The following ABCB4 variants were observed in gnomAD, a reference collection of about 807,000 sequenced individuals.
The protein encoded by ABCB4 is ATP binding cassette subfamily B member 4, also known as phosphatidylcholine translocator ABCB4.
Under a neutral mutation model 145.7 loss-of-function variants are expected in ABCB4, and 76 were observed. That is an observed-to-expected ratio of 0.52 (90% confidence interval 0.43 to 0.63). The LOEUF (loss-of-function observed/expected upper bound fraction) is 0.63, where lower values mean the gene tolerates loss of function less well. Ranked by LOEUF, ABCB4 falls within the 30% of genes least tolerant of loss-of-function variation. The probability of loss-of-function intolerance (pLI) is 0.00; values close to 1 mark genes in which losing one functional copy is unlikely to be tolerated. For missense variants in ABCB4, 1,234 were observed against 1,553.1 expected (o/e 0.79, Z 3.45); for synonymous variants, 517 against 566.8 (o/e 0.91, Z 1.25).
At chr7:87,375,432 G>A in the ABCB4 span, 1 of 491,848 alleles carries the variant, frequency 2.0e-6, no homozygotes, top group Middle Eastern at 5.3e-4. Flanking sequence ...TTAAATTATT[G>A]TCAAATATGC....
At chr7:87,375,705 G>A in the ABCB4 span, 2 of 1,613,458 alleles carry the variant, frequency 1.2e-6, no homozygotes, top group Admixed American at 3.3e-5. Flanking sequence ...AACTAGTGAG[G>A]AGCGAACTCG....
the ABCB4 span, among the ~76,000 whole-genome samples, chr7:87,392,300 T>C: frequency 6.6e-6 from 1 of 152,194 alleles, no homozygotes; most frequent in African/African-American, 2.4e-5. Context: ...TCGGTTGCTT[T>C]TATCTTTATA....
chr7:87,464,982 A>G (rs984897053), intron 3 of ABCB4, among the ~76,000 whole-genome samples: 4 of 152,118 alleles, frequency 2.6e-5, no homozygotes, highest in African/African-American at 9.7e-5. Flanking sequence ...TGCATTTCCT[A>G]CTGAGGCCCC....
chr7:87,411,898 A>G lies in ABCB4; in HGVS notation c.2919T>C (p.Val973=). ...ATATTTCTAAAGCTACTTACAGAAT[A>G]ACATCTCTGAAGCGCATATGTCCAT... ...IVNGHMRFRD[V]ILVFSAIVFG... The change falls in exon 23 of 28, where the codon GTT becomes GTC. Residue 973 remains valine, a synonymous_variant. Coordinates refer to ENST00000649586, the MANE Select transcript of ABCB4 (RefSeq NM_000443.4). 1 of 1,613,520 alleles carries G rather than the reference A, an allele frequency of 6.2e-7. No individual in the cohort carries two copies. Among genetic ancestry groups the G allele is most frequent in the Non-Finnish European group, 8.5e-7 (1 of 1,179,582 alleles).
chr7:87,391,504 AG>A, the ABCB4 span: 1 of 1,337,574 alleles, frequency 7.5e-7, no homozygotes, highest in Non-Finnish European at 1.0e-6. Flanking sequence ...CTCTGAACAA[AG>A]CTAGCTTTAT....
At chr7:87,439,369 T>C (rs1000782895) in intron 14 of ABCB4, among the ~76,000 whole-genome samples, 4 of 152,158 alleles carry the variant, frequency 2.6e-5, no homozygotes, top group African/African-American at 9.7e-5. Context: ...TATTTTAACA[T>C]GACTACTTTT....
chr7:87,474,765 G>C (rs1813672429), intron 2 of ABCB4, among the ~76,000 whole-genome samples: 1 of 152,146 alleles, frequency 6.6e-6, no homozygotes, highest in African/African-American at 2.4e-5. Context: ...CAGGGGAACC[G>C]AGAAAGACAT....
At chr7:87,369,621 T>A in the ABCB4 span, 401 of 28,904 alleles carry the variant, frequency 0.014, no homozygotes, top group Non-Finnish European at 0.033. Flanking sequence ...TAAAAAAAAA[T>A]CTATTTGTAT....
chr7:87,424,304 C>T (rs1277890762), intron 16 of ABCB4, among the ~76,000 whole-genome samples: 3 of 152,230 alleles, frequency 2.0e-5, no homozygotes, highest in Non-Finnish European at 4.4e-5. Context: ...CGTCCCTATT[C>T]TGGCCTCAGC....
chr7:87,459,323 AT>A (rs1223121672), intron 4 of ABCB4, among the ~76,000 whole-genome samples: 1 of 152,114 alleles, frequency 6.6e-6, no homozygotes, highest in Non-Finnish European at 1.5e-5. Flanking sequence ...CACAACCCCT[AT>A]TAACCACCAT....
chr7:87,424,321 C>T (rs563594888), intron 16 of ABCB4, among the ~76,000 whole-genome samples: 18 of 152,272 alleles, frequency 1.2e-4, no homozygotes, highest in Admixed American at 2.0e-4. Context: ...CAGCAGACTG[C>T]GAGGTAGCAG....
At chr7:87,389,731 C>T in the ABCB4 span, among the ~76,000 whole-genome samples, 1 of 152,108 alleles carries the variant, frequency 6.6e-6, no homozygotes, top group African/African-American at 2.4e-5. Context: ...TGTAATAAAC[C>T]TGCACATTCT....
the ABCB4 span, chr7:87,392,498 C>T: frequency 5.7e-6 from 7 of 1,234,772 alleles, no homozygotes; most frequent in African/African-American, 6.0e-5. Flanking sequence ...TTACAATGAG[C>T]TTAGGATTTT....
chr7:87,452,540 C>T (rs1279682098), intron 6 of ABCB4: 1 of 288,174 alleles, frequency 3.5e-6, no homozygotes, highest in Admixed American at 4.9e-5. Flanking sequence ...CAGAATGGTA[C>T]TTCGCACATG....
intron 4 of ABCB4, among the ~76,000 whole-genome samples, chr7:87,456,187 T>C (rs949759354): frequency 6.6e-6 from 1 of 152,238 alleles, no homozygotes; most frequent in African/African-American, 2.4e-5. Flanking sequence ...GGTTTTTTTA[T>C]TTCCCTGAAC....
At chr7:87,382,471 A>G in the ABCB4 span, 3 of 1,613,882 alleles carry the variant, frequency 1.9e-6, no homozygotes, top group East Asian at 6.7e-5. Flanking sequence ...AAGCTAACCA[A>G]GAACAAGATG....
At chr7:87,375,935 A>AC in the ABCB4 span, 1 of 1,607,230 alleles carries the variant, frequency 6.2e-7, no homozygotes, top group African/African-American at 1.3e-5. Flanking sequence ...CACATGTAAC[A>AC]CCAGAGGATT....
chr7:87,471,216 G>A (rs1584799793), intron 3 of ABCB4, among the ~76,000 whole-genome samples: 2 of 152,054 alleles, frequency 1.3e-5, no homozygotes, highest in East Asian at 3.9e-4. Flanking sequence ...GGCCTATTGT[G>A]GGGTGGGGGG....
At chr7:87,388,595 C>T in the ABCB4 span, among the ~76,000 whole-genome samples, 1 of 152,104 alleles carries the variant, frequency 6.6e-6, no homozygotes, top group Admixed American at 6.5e-5. Context: ...GAAACTGGAC[C>T]CCTTCCTTAT....
Sources: gnomAD v4.1 joint callset for allele counts (sites outside exome capture counted in the v4.1 genomes callset) on GRCh38, gnomAD v4.1.1 for gene constraint, MANE v1.5 for transcripts, NCBI Gene and HGNC (gene_info 2026-07-23, HGNC 2026-07-21) for gene names.